Variants in HDAC9 observed in about 807,000 individuals in gnomAD.
HDAC9 encodes the protein histone deacetylase 9, also known as MEF-2 interacting transcription repressor (MITR) protein.
In HDAC9, 41 loss-of-function variants were observed where a neutral mutation model predicts 139.4. The observed-to-expected ratio is 0.29, with a 90% CI of 0.23 to 0.38. The LOEUF is 0.38. HDAC9 is among the 10% of genes least tolerant of loss of function. HDAC9 has a pLI of 1.00. For missense variants in HDAC9, 1,147 were observed against 1,297.0 expected (o/e 0.88, Z 1.78); for synonymous variants, 517 against 476.2 (o/e 1.09, Z -1.12).
intron 1 of HDAC9, among the ~76,000 whole-genome samples, chr7:18,116,082 C>T (rs1277873070): frequency 6.6e-6 from 1 of 152,182 alleles, no homozygotes; most frequent in Non-Finnish European, 1.5e-5. Context: ...TCAATGGTTT[C>T]ATGCTGAGAT....
At chr7:18,838,645 A>G (rs1796389914) in intron 21 of HDAC9, among the ~76,000 whole-genome samples, 1 of 152,016 alleles carries the variant, frequency 6.6e-6, no homozygotes, top group Non-Finnish European at 1.5e-5. Context: ...ATGTAGTATT[A>G]TTTTCTAAGC....
chr7:18,463,715 A>G (rs1292637738), intron 1 of HDAC9, among the ~76,000 whole-genome samples: 1 of 151,672 alleles, frequency 6.6e-6, no homozygotes, highest in Non-Finnish European at 1.5e-5. Flanking sequence ...GTTTTCCTTT[A>G]TATATTGAAA....
At chr7:18,505,037 C>T (rs1462476660) in intron 2 of HDAC9, among the ~76,000 whole-genome samples, 1 of 152,136 alleles carries the variant, frequency 6.6e-6, no homozygotes, top group East Asian at 1.9e-4. Context: ...GCTGGAAGAT[C>T]CTTACTTCAT....
At chr7:18,640,450 C>CT (rs1366899345) in intron 8 of HDAC9, among the ~76,000 whole-genome samples, 1 of 143,264 alleles carries the variant, frequency 7.0e-6, no homozygotes, top group Non-Finnish European at 1.5e-5. Context: ...CTATCATTGA[C>CT]TTTTTTGTCT....
intron 1 of HDAC9, among the ~76,000 whole-genome samples, chr7:18,411,388 T>G (rs950718580): frequency 6.6e-6 from 1 of 152,172 alleles, no homozygotes; most frequent in Non-Finnish European, 1.5e-5. Flanking sequence ...TTCTTTTCTT[T>G]TTTTGAGATG....
chr7:18,389,717 A>G (rs1786277440), intron 1 of HDAC9, among the ~76,000 whole-genome samples: 1 of 152,224 alleles, frequency 6.6e-6, no homozygotes, highest in Non-Finnish European at 1.5e-5. Context: ...TGTTTACCTT[A>G]AAGACAGTTG....
chr7:18,618,113 G>A (rs1839164367), intron 6 of HDAC9, among the ~76,000 whole-genome samples: 1 of 152,088 alleles, frequency 6.6e-6, no homozygotes, highest in African/African-American at 2.4e-5. Flanking sequence ...ACATCAGAGA[G>A]ACAAAAACCT....
chr7:18,615,532 A>G (rs1169670306), intron 6 of HDAC9, among the ~76,000 whole-genome samples: 1 of 152,206 alleles, frequency 6.6e-6, no homozygotes, highest in Admixed American at 6.5e-5. Context: ...AATAAATTAT[A>G]CTTTTTGTCT....
At chr7:18,617,195 T>C (rs181183367) in intron 6 of HDAC9, among the ~76,000 whole-genome samples, 109 of 152,282 alleles carry the variant, frequency 7.2e-4, no homozygotes, top group Admixed American at 4.6e-4. Context: ...ATCATACTCC[T>C]GTCCAGTCAA....
At chr7:18,450,685 T>C (rs1237309783) in intron 1 of HDAC9, among the ~76,000 whole-genome samples, 1 of 152,218 alleles carries the variant, frequency 6.6e-6, no homozygotes, top group African/African-American at 2.4e-5. Flanking sequence ...GAGGTCTGAC[T>C]TGGAATTGTG....
chr7:18,582,597 A>G (rs961176936), intron 2 of HDAC9, among the ~76,000 whole-genome samples: 6 of 152,142 alleles, frequency 3.9e-5, no homozygotes, highest in African/African-American at 1.4e-4. Flanking sequence ...TCCCACAAAC[A>G]TTATTTTTAA....
Position 18,413,644 on chromosome 7 carries a change from G to T in HDAC9, c.-41-82618G>T, listed in dbSNP as rs566352244. Among the ~76,000 whole-genome samples the T allele has an allele frequency of 2.0e-5, 3 of 152,080 alleles. No individual in the cohort carries two copies. In the East Asian group the frequency reaches 5.8e-4, roughly 29 times the overall value. On this transcript the variant is annotated intron_variant, in intron 1 of 3. Transcript: ENST00000413509. The stretch of plus-strand genomic sequence containing the variant: ...ATATAATTCTTACTTTATACAATTT[G>T]CTTGGTAGACAAAATTTTTGAATTA...
chr7:18,574,436 T>G (rs1825340661), intron 2 of HDAC9, among the ~76,000 whole-genome samples: 2 of 152,202 alleles, frequency 1.3e-5, no homozygotes, highest in Non-Finnish European at 2.9e-5. Context: ...TGGACGGCCA[T>G]GGGTGGGCCT....
intron 1 of HDAC9, among the ~76,000 whole-genome samples, chr7:18,291,047 T>A (rs909542284): frequency 6.6e-6 from 1 of 152,190 alleles, no homozygotes; most frequent in South Asian, 2.1e-4. Flanking sequence ...CAGCTATGAC[T>A]TCAGAGCCCA....
At chr7:18,407,494 C>T (rs1788124302) in intron 1 of HDAC9, among the ~76,000 whole-genome samples, 1 of 152,008 alleles carries the variant, frequency 6.6e-6, no homozygotes. Flanking sequence ...CCAATAGAAA[C>T]AGGAAATTCA....
intron 13 of HDAC9, among the ~76,000 whole-genome samples, chr7:18,737,513 G>A (rs1057128059): frequency 2.0e-4 from 31 of 152,116 alleles, no homozygotes; most frequent in African/African-American, 7.5e-4. Context: ...TTCAGGAGCA[G>A]GTTGTTCAGT....
At chr7:18,491,603 G>A (rs368983879), upstream of HDAC9, among the ~76,000 whole-genome samples, 6 of 151,940 alleles carry the variant, frequency 3.9e-5, no homozygotes, top group African/African-American at 1.2e-4. Flanking sequence ...TTTCACAAGC[G>A]CAGATGTACA....
intron 15 of HDAC9, 28 bp from the exon 16 acceptor site, chr7:18,767,078 A>G (rs1368660667): frequency 3.4e-6 from 4 of 1,170,576 alleles, no homozygotes; most frequent in East Asian, 2.7e-5. Flanking sequence ...CCATTTATCT[A>G]TATTTTTTAT....
intron 12 of HDAC9, among the ~76,000 whole-genome samples, chr7:18,705,120 C>G (rs1012320364): frequency 6.6e-6 from 1 of 152,144 alleles, no homozygotes; most frequent in African/African-American, 2.4e-5. Flanking sequence ...GATGTACCTG[C>G]GGGACTTCTG....
Sources: allele counts gnomAD v4.1 joint callset (sites outside exome capture counted in the v4.1 genomes callset), GRCh38; gene constraint gnomAD v4.1.1; transcripts MANE v1.5; gene names NCBI Gene and HGNC (gene_info 2026-07-23, HGNC 2026-07-21).